AK9: variants seen among roughly 807,000 people sequenced by gnomAD.
AK9 encodes adenylate kinase 9.
A neutral mutation model predicts 239.6 loss-of-function variants in AK9; 191 were observed. That is an observed-to-expected ratio of 0.80 (90% CI 0.71 to 0.90). AK9 has a LOEUF of 0.90. Ranked by LOEUF, AK9 falls within the 40% of genes least tolerant of loss-of-function variation. The probability of loss-of-function intolerance (pLI) is 0.00; values close to 1 mark genes in which losing one functional copy is unlikely to be tolerated. For missense variants in AK9, 1,995 were observed against 2,214.7 expected (o/e 0.90, Z 1.99); for synonymous variants, 689 against 721.0 (o/e 0.96, Z 0.71).
At chr6:109,655,661 C>A (rs1282625331) in intron 8 of AK9, among the ~76,000 whole-genome samples, 1 of 152,156 alleles carries the variant, frequency 6.6e-6, no homozygotes, top group Admixed American at 6.5e-5. Context: ...GGAAGTATAA[C>A]CTGGTGCTTG....
chr6:109,674,382 A>G (rs1771395012), intron 2 of AK9, 121 bp from the exon 3 acceptor site: 3 of 690,118 alleles, frequency 4.3e-6, no homozygotes, highest in Admixed American at 3.7e-5. Flanking sequence ...AATTTTTCCC[A>G]TAAAAAATGA....
At position 109,549,664 on chromosome 6, in the gene AK9, C is replaced by CTTTTTTTTTTTTTTTTT. The variant is rs1196364045; in HGVS notation, c.2964+409_2964+425dup. ...GTTGTTCTTTGAACTTAGATATTTTCTTTTTTTTTTTTTTTTTTTGAGACG... is the reference window on the plus strand; with the variant it reads ...GTTGTTCTTTGAACTTAGATATTTTCTTTTTTTTTTTTTTTTTTTTTTTTTTTTTTTTTTTTGAGACG... On this transcript the variant is annotated intron_variant, in intron 25 of 40. Coordinates refer to ENST00000424296, the MANE Select transcript of AK9 (RefSeq NM_001145128.3). 17 of 122,100 alleles carry CTTTTTTTTTTTTTTTTT rather than the reference C, an allele frequency of 1.4e-4. 2 individuals carry two copies. The highest frequency in any genetic ancestry group is 2.7e-4 in the African/African-American group (9 of 33,846). 7.6% of individuals were successfully genotyped at this position (122,100 alleles called of 1,614,324 possible).
At chr6:109,537,328 C>T (rs1782155499) in intron 27 of AK9, among the ~76,000 whole-genome samples, 1 of 151,990 alleles carries the variant, frequency 6.6e-6, no homozygotes, top group African/African-American at 2.4e-5. Context: ...CTAGTTTAGT[C>T]TTGAGAGGTT....
chr6:109,508,016 C>T (rs981108068), intron 33 of AK9, among the ~76,000 whole-genome samples: 1 of 152,222 alleles, frequency 6.6e-6, no homozygotes, highest in African/African-American at 2.4e-5. Flanking sequence ...AAATCTTCTT[C>T]CACCATGTGG....
chr6:109,640,553 T>C (rs890589017), intron 10 of AK9, among the ~76,000 whole-genome samples: 6 of 149,692 alleles, frequency 4.0e-5, no homozygotes, highest in Non-Finnish European at 8.9e-5. Flanking sequence ...TGTTCCTATT[T>C]GGCCATCTTG....
At chr6:109,666,431 G>C (rs1801208094) in intron 5 of AK9, among the ~76,000 whole-genome samples, 1 of 152,150 alleles carries the variant, frequency 6.6e-6, no homozygotes, top group Non-Finnish European at 1.5e-5. Flanking sequence ...CCATTACCAA[G>C]CCCTTGCCCT....
At chr6:109,638,474 G>T (rs1024112842) in intron 10 of AK9, among the ~76,000 whole-genome samples, 2 of 152,140 alleles carry the variant, frequency 1.3e-5, no homozygotes, top group Non-Finnish European at 2.9e-5. Context: ...ATATGTTTTT[G>T]TTTTTTATTT....
At chr6:109,555,379 TTTG>T (rs1243239212) in intron 24 of AK9, among the ~76,000 whole-genome samples, 1 of 152,208 alleles carries the variant, frequency 6.6e-6, no homozygotes, top group Non-Finnish European at 1.5e-5. Context: ...TGAGAGACTG[TTTG>T]TTATGATTTC....
intron 27 of AK9, among the ~76,000 whole-genome samples, chr6:109,534,791 C>T (rs1483583138): frequency 2.6e-5 from 4 of 151,094 alleles, no homozygotes; most frequent in Non-Finnish European, 5.9e-5. Context: ...GTGTGTGATA[C>T]TCCCCTTCCT....
intron 26 of AK9, among the ~76,000 whole-genome samples, chr6:109,545,361 T>C (rs1783410213): frequency 6.6e-6 from 1 of 152,194 alleles, no homozygotes; most frequent in South Asian, 2.1e-4. Flanking sequence ...GGTTTGACTG[T>C]GACCTCACCC....
intron 24 of AK9, among the ~76,000 whole-genome samples, chr6:109,552,916 T>C (rs2128167707): frequency 6.6e-6 from 1 of 152,352 alleles, no homozygotes; most frequent in East Asian, 1.9e-4. Flanking sequence ...TTCAGTTTTC[T>C]GCATACGGCT....
intron 10 of AK9, among the ~76,000 whole-genome samples, chr6:109,635,212 T>C (rs1796566600): frequency 6.6e-6 from 1 of 152,004 alleles, no homozygotes; most frequent in African/African-American, 2.4e-5. Context: ...AGCTACACAG[T>C]TTTGTAAGTT....
intron 1 of AK9, among the ~76,000 whole-genome samples, chr6:109,679,471 A>C (rs972806444): frequency 1.3e-5 from 2 of 152,080 alleles, no homozygotes; most frequent in Non-Finnish European, 2.9e-5. Context: ...CTTATAGATA[A>C]AATTCCTATC....
chr6:109,641,786 G>A (rs1256661201), intron 9 of AK9, among the ~76,000 whole-genome samples, 170 bp from the exon 10 acceptor site: 1 of 152,080 alleles, frequency 6.6e-6, no homozygotes. Flanking sequence ...GTATGTCTTG[G>A]CTTGCATCAC....
chr6:109,663,511 T>C (rs1056470872), intron 5 of AK9, among the ~76,000 whole-genome samples: 6 of 152,198 alleles, frequency 3.9e-5, no homozygotes, highest in African/African-American at 1.4e-4. Context: ...AATATTCAAG[T>C]GAAAATCTGA....
At chr6:109,687,720 T>G (rs1348935697) in intron 1 of AK9, among the ~76,000 whole-genome samples, 1 of 152,184 alleles carries the variant, frequency 6.6e-6, no homozygotes, top group Non-Finnish European at 1.5e-5. Flanking sequence ...GATTGCAGCC[T>G]TGTAAAACCC....
At chr6:109,533,540 T>C in intron 27 of AK9, 70 bp from the exon 28 acceptor site, 1 of 1,269,818 alleles carries the variant, frequency 7.9e-7, no homozygotes, top group African/African-American at 1.5e-5. Flanking sequence ...TTAATTTGAC[T>C]GTAATGATCA....
chr6:109,567,789 G>C (rs994348098), intron 21 of AK9, among the ~76,000 whole-genome samples: 1 of 148,354 alleles, frequency 6.7e-6, no homozygotes, highest in African/African-American at 2.5e-5. Context: ...TGCAAATGAC[G>C]AGTTAATGGG....
intron 12 of AK9, chr6:109,632,670 A>G (rs1315508980): frequency 2.4e-6 from 2 of 837,140 alleles, no homozygotes; most frequent in East Asian, 4.9e-5. Context: ...GAATGACACG[A>G]TATTCACATG....
Sources: gnomAD v4.1 joint callset for allele counts (sites outside exome capture counted in the v4.1 genomes callset) on GRCh38, gnomAD v4.1.1 for gene constraint, MANE v1.5 for transcripts, NCBI Gene and HGNC (gene_info 2026-07-23, HGNC 2026-07-21) for gene names.